The following PTPRN2 variants were observed in gnomAD, a reference collection of about 807,000 sequenced individuals.
The protein encoded by PTPRN2 is protein tyrosine phosphatase receptor type N2.
A neutral mutation model predicts 118.8 loss-of-function variants in PTPRN2; 74 were observed. The observed-to-expected ratio is 0.62, with a 90% CI of 0.52 to 0.76. PTPRN2 has a LOEUF of 0.76. Among genes scored for constraint, PTPRN2 ranks in the 30% least tolerant of loss-of-function variants. PTPRN2 has a pLI of 0.00. For missense variants in PTPRN2, 1,481 were observed against 1,394.4 expected, an observed-to-expected ratio of 1.06 and a Z score of -0.99; for synonymous variants, 641 against 608.0, an observed-to-expected ratio of 1.05 and a Z score of -0.80.
chr7:157,838,045 G>A (rs531869383), intron 12 of PTPRN2, among the ~76,000 whole-genome samples: 163 of 135,672 alleles, frequency 1.2e-3, no homozygotes, highest in African/African-American at 4.2e-3. Flanking sequence ...GCTCCTCTCC[G>A]CCGTGCCTAC....
rs1800955070 is a variant in PTPRN2 at position 157,591,008 on chromosome 7, T to C, written c.2496+4230A>G. 6.6e-6 allele frequency among the ~76,000 whole-genome samples: 1 copy of C among 152,184 alleles called. No individual in the cohort carries two copies. On this transcript the variant is annotated intron_variant, in intron 17 of 22. Coordinates refer to ENST00000389418, the MANE Select transcript of PTPRN2 (RefSeq NM_002847.5). This position sits in a 1 kb window ranked among gnomAD's most constrained non-coding sequence, Gnocchi z 4.4. ...CTGGAACCCATGAATGTGGTCTTAT[T>C]TGGAAATAGGGTCTTTGCATATGTG...
At chr7:157,704,809 A>T (rs1043327950) in intron 12 of PTPRN2, among the ~76,000 whole-genome samples, 7 of 152,246 alleles carry the variant, frequency 4.6e-5, no homozygotes, top group Non-Finnish European at 7.3e-5. Context: ...CTTAGAATTG[A>T]CATATACTAA....
intron 12 of PTPRN2, among the ~76,000 whole-genome samples, chr7:157,689,582 C>T (rs1797369926): frequency 6.6e-6 from 1 of 152,230 alleles, no homozygotes; most frequent in African/African-American, 2.4e-5. Flanking sequence ...CGCCCGATTC[C>T]CTGGAGCAAC....
chr7:157,824,336 G>C (rs1052142912), intron 12 of PTPRN2, among the ~76,000 whole-genome samples: 4 of 152,182 alleles, frequency 2.6e-5, no homozygotes, highest in Admixed American at 6.5e-5. Context: ...ACCACAAGAG[G>C]GCCTTCCCCT....
intron 3 of PTPRN2, among the ~76,000 whole-genome samples, chr7:158,270,956 C>CGG (rs1344974742): frequency 3.6e-5 from 1 of 28,168 alleles, no homozygotes; most frequent in African/African-American, 1.8e-4. Flanking sequence ...CCCACCTGGA[C>CGG]CACCCCTCCA....
chr7:158,326,287 G>C (rs186142412), intron 2 of PTPRN2, among the ~76,000 whole-genome samples: 9 of 152,244 alleles, frequency 5.9e-5, no homozygotes, highest in Non-Finnish European at 1.5e-5. Flanking sequence ...GTGACCCCTC[G>C]TGGCTGCCTC....
At chr7:158,503,000 T>C (rs1822481614) in intron 1 of PTPRN2, among the ~76,000 whole-genome samples, 2 of 149,442 alleles carry the variant, frequency 1.3e-5, no homozygotes, top group Non-Finnish European at 3.0e-5. Flanking sequence ...ACTGTGTCCA[T>C]CAGCCACTGT....
Position 158,246,537 on chromosome 7 carries a change from G to A in PTPRN2, c.278-41264C>T, listed in dbSNP as rs148866043. On this transcript the variant is annotated intron_variant, in intron 3 of 22. Coordinates refer to ENST00000389418, the MANE Select transcript of PTPRN2 (RefSeq NM_002847.5). ...AAATGTGAGCGTTTCACAAGTCACCGTGGGTGGTCATTGTCCTTGTCCACG... is the reference window on the plus strand; with the variant it reads ...AAATGTGAGCGTTTCACAAGTCACCATGGGTGGTCATTGTCCTTGTCCACG... Among the ~76,000 whole-genome samples, 374 of 151,322 alleles carry A rather than the reference G, an allele frequency of 2.5e-3. 6 individuals carry two copies. The highest frequency in any genetic ancestry group is 0.018 in the Admixed American group (278 of 15,178).
At chr7:158,426,361 A>G (rs865825385) in intron 2 of PTPRN2, among the ~76,000 whole-genome samples, 2 of 2,478 alleles carry the variant, frequency 8.1e-4, no homozygotes, top group South Asian at 0.015. Context: ...GGAAAGACGC[A>G]GAGTCCGAGA....
chr7:158,215,835 T>C (rs907810867), intron 3 of PTPRN2, among the ~76,000 whole-genome samples: 5 of 152,078 alleles, frequency 3.3e-5, no homozygotes, highest in Non-Finnish European at 7.4e-5. Flanking sequence ...AAAAGGAAAA[T>C]TGTGTTTTTC....
At chr7:158,340,474 C>T (rs1413222056) in intron 2 of PTPRN2, among the ~76,000 whole-genome samples, 1 of 112,962 alleles carries the variant, frequency 8.9e-6, no homozygotes, top group Non-Finnish European at 1.9e-5. Flanking sequence ...CACATCCACA[C>T]TCTCACCATA....
intron 12 of PTPRN2, among the ~76,000 whole-genome samples, chr7:157,852,737 T>C (rs1214464683): frequency 2.6e-5 from 4 of 151,606 alleles, no homozygotes; most frequent in African/African-American, 9.7e-5. Context: ...GGTGTGGTGG[T>C]GGGCGCCTGT....
chr7:158,043,841 C>G (rs78650542), intron 11 of PTPRN2, among the ~76,000 whole-genome samples: 1 of 152,174 alleles, frequency 6.6e-6, no homozygotes. Flanking sequence ...AGGGGAGAAG[C>G]GCACAGACCA....
chr7:158,243,895 A>C (rs1477673140), intron 3 of PTPRN2, among the ~76,000 whole-genome samples: 1 of 152,118 alleles, frequency 6.6e-6, no homozygotes, highest in Non-Finnish European at 1.5e-5. Flanking sequence ...ATTAATGATA[A>C]TTACAAACTA....
chr7:157,723,001 C>A (rs375550986), intron 12 of PTPRN2, among the ~76,000 whole-genome samples: 3 of 152,328 alleles, frequency 2.0e-5, no homozygotes, highest in South Asian at 4.1e-4. Context: ...TGCAGAGTTT[C>A]GTTACCATTT....
intron 3 of PTPRN2, among the ~76,000 whole-genome samples, chr7:158,212,848 G>T (rs1585865882): frequency 6.6e-6 from 1 of 152,212 alleles, no homozygotes; most frequent in Middle Eastern, 3.4e-3. Flanking sequence ...TTATCATGGG[G>T]CTTAATGTAC....
At chr7:157,584,945 C>G (rs1162404862) in intron 17 of PTPRN2, among the ~76,000 whole-genome samples, 1 of 152,224 alleles carries the variant, frequency 6.6e-6, no homozygotes, top group Non-Finnish European at 1.5e-5. Context: ...AGGCTCCAGG[C>G]CACAGCACGC....
intron 2 of PTPRN2, among the ~76,000 whole-genome samples, chr7:158,457,114 A>G (rs1818564148): frequency 6.6e-6 from 1 of 152,188 alleles, no homozygotes; most frequent in Non-Finnish European, 1.5e-5. Flanking sequence ...ACGTCTACAC[A>G]GCAATGGCGC....
At chr7:157,711,554 G>A (rs1017317077) in intron 12 of PTPRN2, among the ~76,000 whole-genome samples, 21 of 152,170 alleles carry the variant, frequency 1.4e-4, no homozygotes, top group African/African-American at 5.1e-4. Context: ...TGAGGACTCC[G>A]CCCACACTCC....
Sources: gnomAD v4.1 joint callset for allele counts (sites outside exome capture counted in the v4.1 genomes callset) on GRCh38, gnomAD v4.1.1 for gene constraint, Gnocchi (gnomAD v3.1) non-coding constraint, MANE v1.5 for transcripts, NCBI Gene and HGNC (gene_info 2026-07-23, HGNC 2026-07-21) for gene names.